Variants in MAGI1 observed in about 807,000 individuals in gnomAD.
The protein encoded by MAGI1 is membrane-associated guanylate kinase, WW and PDZ domain-containing protein 1.
MAGI1 carries 58 observed loss-of-function variants against 139.9 expected under a neutral mutation model. The ratio of observed to expected loss-of-function variants is 0.41; its 90% CI spans 0.34 to 0.52. The LOEUF is 0.52. Ranked by LOEUF, MAGI1 falls within the 20% of genes least tolerant of loss-of-function variation. The pLI, the probability that MAGI1 is intolerant of heterozygous loss-of-function variation, is 0.12. For missense variants in MAGI1, 1,874 were observed against 1,901.6 expected, an observed-to-expected ratio of 0.99 and a Z score of 0.27; for synonymous variants, 812 against 737.9, an observed-to-expected ratio of 1.10 and a Z score of -1.63.
chr3:65,723,521 A>G (rs1190654702), intron 1 of MAGI1, among the ~76,000 whole-genome samples: 1 of 148,706 alleles, frequency 6.7e-6, no homozygotes, highest in African/African-American at 2.5e-5. Flanking sequence ...TTCAGGACTC[A>G]TTTATACTCC....
intron 11 of MAGI1, among the ~76,000 whole-genome samples, chr3:65,430,469 TCAAA>T (rs1057492696): frequency 3.3e-5 from 5 of 152,162 alleles, no homozygotes; most frequent in Admixed American, 1.3e-4. Context: ...TTTACTGTAC[TCAAA>T]CAGTTTCCCA....
chr3:65,633,652 C>T (rs2084434795), intron 1 of MAGI1, among the ~76,000 whole-genome samples: 1 of 152,122 alleles, frequency 6.6e-6, no homozygotes. Flanking sequence ...TAAATGCCAT[C>T]ATCTTGATTT....
intron 18 of MAGI1, among the ~76,000 whole-genome samples, chr3:65,365,853 A>G (rs1941372442): frequency 6.6e-6 from 1 of 152,338 alleles, no homozygotes; most frequent in African/African-American, 2.4e-5. Flanking sequence ...ATGGGAAAAT[A>G]TGTTAACTAT....
chr3:66,025,710 C>CTG (rs762351762), intron 1 of MAGI1, among the ~76,000 whole-genome samples: 1 of 151,740 alleles, frequency 6.6e-6, no homozygotes, highest in Non-Finnish European at 1.5e-5. Context: ...GTGTGTGTGT[C>CTG]TGTGTGTGTG....
intron 1 of MAGI1, among the ~76,000 whole-genome samples, chr3:65,997,436 CACG>C (rs1219043736): frequency 1.8e-4 from 27 of 152,132 alleles, no homozygotes; most frequent in Admixed American, 3.9e-4. Context: ...GCAGGTGGAT[CACG>C]AGGTCAAGAG....
intron 1 of MAGI1, among the ~76,000 whole-genome samples, chr3:65,880,908 C>CATGTGTGTGTGTGTGTGTGT (rs1553723026): frequency 6.9e-6 from 1 of 145,580 alleles, no homozygotes. Flanking sequence ...ATATCTCTGG[C>CATGTGTGTGTGTGTGTGTGT]GTGTGTGTGT....
intron 2 of MAGI1, chr3:65,499,094 T>G: frequency 1.1e-6 from 1 of 911,704 alleles, no homozygotes; most frequent in Non-Finnish European, 1.3e-6. Flanking sequence ...TCATATGCTT[T>G]GAAAAACTAT....
chr3:65,833,788 A>G (rs1204089316), intron 1 of MAGI1, among the ~76,000 whole-genome samples: 1 of 152,232 alleles, frequency 6.6e-6, no homozygotes, highest in African/African-American at 2.4e-5. Context: ...AGCTCCCAGA[A>G]AAGTTTCCTT....
At chr3:65,657,202 G>A (rs1404788401) in intron 1 of MAGI1, among the ~76,000 whole-genome samples, 2 of 151,998 alleles carry the variant, frequency 1.3e-5, no homozygotes, top group Non-Finnish European at 2.9e-5. Context: ...GTAAAGGCAG[G>A]CTAAGTAAGT....
rs373410496 is a variant in MAGI1, at chr3:65,723,068, G to A, written c.314-100980C>T. On this transcript the variant is annotated intron_variant, in intron 1 of 22. Coordinates refer to ENST00000402939, the MANE Select transcript of MAGI1 (RefSeq NM_001033057.2). The stretch of plus-strand genomic sequence containing the variant: ...CATCCCTCATGGACTTAGGTTGCCC[G>A]GACTGTCATCATACAGGTCAGAAAA... Among the ~76,000 whole-genome samples, 10 of 152,068 alleles carry A rather than the reference G, an allele frequency of 6.6e-5. No individual in the cohort carries two copies. In the East Asian group the frequency reaches 1.4e-3, roughly 21 times the overall value.
intron 12 of MAGI1, among the ~76,000 whole-genome samples, chr3:65,427,315 A>T (rs1270551608): frequency 3.9e-5 from 6 of 152,192 alleles, no homozygotes; most frequent in African/African-American, 1.4e-4. Context: ...CTGTCTCAAA[A>T]ATAAAAATAA....
At chr3:65,446,653 A>G (rs1038236906) in intron 7 of MAGI1, among the ~76,000 whole-genome samples, 5 of 152,334 alleles carry the variant, frequency 3.3e-5, no homozygotes, top group African/African-American at 7.2e-5. Context: ...TGAACAAATG[A>G]TTAAGACACT....
At chr3:65,640,735 T>G (rs138375621) in intron 1 of MAGI1, among the ~76,000 whole-genome samples, 63 of 152,350 alleles carry the variant, frequency 4.1e-4, no homozygotes, top group African/African-American at 1.4e-3. Flanking sequence ...GCTTATATAC[T>G]GACGTATTTA....
intron 1 of MAGI1, among the ~76,000 whole-genome samples, chr3:65,661,765 T>TTTTTTTA (rs2086208332): frequency 7.2e-6 from 1 of 137,950 alleles, no homozygotes; most frequent in African/African-American, 2.6e-5. Context: ...TTTTTTTTTT[T>TTTTTTTA]GAGATGGAGT....
At chr3:65,502,779 T>C (rs2077131762) in intron 2 of MAGI1, among the ~76,000 whole-genome samples, 1 of 151,836 alleles carries the variant, frequency 6.6e-6, no homozygotes, top group Non-Finnish European at 1.5e-5. Flanking sequence ...GACCCAAAGG[T>C]GAGAGAGGGA....
intron 1 of MAGI1, among the ~76,000 whole-genome samples, chr3:65,863,544 G>C (rs1291467986): frequency 1.3e-5 from 2 of 152,168 alleles, no homozygotes; most frequent in African/African-American, 4.8e-5. Flanking sequence ...CCACTTCCTT[G>C]ATGTAAGTTC....
chr3:65,694,360 T>C (rs2088955608), intron 1 of MAGI1, among the ~76,000 whole-genome samples: 5 of 152,200 alleles, frequency 3.3e-5, no homozygotes, highest in Admixed American at 3.3e-4. Context: ...GGCCAGCATC[T>C]ACCCCACCTG....
chr3:65,993,709 C>A (rs927906932), intron 1 of MAGI1, among the ~76,000 whole-genome samples: 1 of 152,170 alleles, frequency 6.6e-6, no homozygotes, highest in African/African-American at 2.4e-5. Context: ...CATCTTACAT[C>A]ATTTTCAGAC....
chr3:65,631,292 G>T (rs995112208), intron 1 of MAGI1, among the ~76,000 whole-genome samples: 4 of 152,234 alleles, frequency 2.6e-5, no homozygotes, highest in African/African-American at 9.6e-5. Flanking sequence ...GTGGAATACA[G>T]AGATCTATTA....
Sources: allele counts gnomAD v4.1 joint callset (sites outside exome capture counted in the v4.1 genomes callset), GRCh38; gene constraint gnomAD v4.1.1; transcripts MANE v1.5; gene names NCBI Gene and HGNC (gene_info 2026-07-23, HGNC 2026-07-21).